Variants in C8orf34 observed in about 807,000 individuals in gnomAD.
The protein encoded by C8orf34 is uncharacterized protein C8orf34.
In C8orf34, 65 loss-of-function variants were observed where a neutral mutation model predicts 68.3. The observed-to-expected ratio is 0.95, with a 90% CI of 0.78 to 1.17. The LOEUF (loss-of-function observed/expected upper bound fraction) is 1.17, where lower values mean the gene tolerates loss of function less well. C8orf34 is among the 50% of genes most tolerant of loss of function. The pLI is 0.00. For synonymous variants in C8orf34, 244 were observed against 241.2 expected, an observed-to-expected ratio of 1.01 and a Z score of -0.11; for missense variants, 664 against 655.4, an observed-to-expected ratio of 1.01 and a Z score of -0.14.
chr8:68,539,803 G>A (rs1293683813), intron 7 of C8orf34, among the ~76,000 whole-genome samples: 1 of 151,684 alleles, frequency 6.6e-6, no homozygotes, highest in East Asian at 1.9e-4. Flanking sequence ...GCAGTGAGCC[G>A]AGATTATGCC....
At chr8:68,623,919 G>A (rs1288210223) in intron 7 of C8orf34, among the ~76,000 whole-genome samples, 1 of 152,078 alleles carries the variant, frequency 6.6e-6, no homozygotes, top group Non-Finnish European at 1.5e-5. Flanking sequence ...GTCCATTGCA[G>A]TACCTAAGAG....
intron 4 of C8orf34, among the ~76,000 whole-genome samples, chr8:68,473,602 A>G (rs1812473352): frequency 6.6e-6 from 1 of 152,160 alleles, no homozygotes; most frequent in Admixed American, 6.5e-5. Context: ...CTTTGCTAGA[A>G]AAGAAAATGA....
chr8:68,704,649 T>A (rs1355273218), intron 8 of C8orf34, among the ~76,000 whole-genome samples: 1 of 152,058 alleles, frequency 6.6e-6, no homozygotes, highest in Non-Finnish European at 1.5e-5. Context: ...AAAGATCACA[T>A]CCACCCACAA....
intron 7 of C8orf34, among the ~76,000 whole-genome samples, chr8:68,553,310 G>A (rs186530599): frequency 2.8e-3 from 429 of 150,986 alleles, no homozygotes; most frequent in African/African-American, 9.3e-3. Context: ...GTGTGAACCC[G>A]GGAGGCGGAG....
intron 12 of C8orf34, among the ~76,000 whole-genome samples, chr8:68,812,135 AG>A (rs976865032): frequency 5.9e-5 from 9 of 152,332 alleles, no homozygotes; most frequent in African/African-American, 2.2e-4. Context: ...TGCTTTTAAT[AG>A]AAACTTCAAC....
At chr8:68,553,777 T>C (rs906969707) in intron 7 of C8orf34, among the ~76,000 whole-genome samples, 1 of 152,106 alleles carries the variant, frequency 6.6e-6, no homozygotes, top group African/African-American at 2.4e-5. Context: ...GTAACTTTTG[T>C]CAATATTTCA....
intron 8 of C8orf34, among the ~76,000 whole-genome samples, chr8:68,689,525 A>G (rs1406195477): frequency 6.6e-6 from 1 of 152,130 alleles, no homozygotes; most frequent in Non-Finnish European, 1.5e-5. Context: ...CCTTTCTGCA[A>G]GAAGCTCCCT....
intron 11 of C8orf34, among the ~76,000 whole-genome samples, chr8:68,777,243 G>C (rs1013878374): frequency 6.6e-6 from 1 of 152,190 alleles, no homozygotes; most frequent in African/African-American, 2.4e-5. Context: ...TCCACAAGAG[G>C]GATAGCTGAT....
chr8:68,509,790 C>T (rs1814184402), intron 5 of C8orf34, among the ~76,000 whole-genome samples: 1 of 152,132 alleles, frequency 6.6e-6, no homozygotes, highest in Non-Finnish European at 1.5e-5. Context: ...TCCTCTTTCC[C>T]TCTTTCATCC....
intron 7 of C8orf34, among the ~76,000 whole-genome samples, chr8:68,624,692 C>T (rs538776037): frequency 3.5e-5 from 4 of 114,128 alleles, no homozygotes; most frequent in South Asian, 4.9e-4. Flanking sequence ...TAGGAAATAG[C>T]GATACAGCAG....
At chr8:68,475,990 C>A (rs549583563) in intron 4 of C8orf34, among the ~76,000 whole-genome samples, 126 of 152,284 alleles carry the variant, frequency 8.3e-4, no homozygotes, top group African/African-American at 3.0e-3. Context: ...TAATAGCAAC[C>A]TGCACTCAGC....
chr8:68,773,622 G>C (rs1159965945), intron 10 of C8orf34, among the ~76,000 whole-genome samples: 1 of 151,954 alleles, frequency 6.6e-6, no homozygotes, highest in Non-Finnish European at 1.5e-5. Flanking sequence ...CTGACCTCAA[G>C]TAATCCACCT....
intron 5 of C8orf34, among the ~76,000 whole-genome samples, chr8:68,515,468 A>T (rs1814471761): frequency 1.3e-5 from 2 of 152,000 alleles, no homozygotes; most frequent in African/African-American, 2.4e-5. Context: ...TGTGTTTCAT[A>T]AACTTTCCAA....
intron 9 of C8orf34, among the ~76,000 whole-genome samples, chr8:68,709,352 C>A (rs1369228): frequency 6.6e-6 from 1 of 152,068 alleles, no homozygotes; most frequent in Non-Finnish European, 1.5e-5. Flanking sequence ...TGGCTACTCC[C>A]TAAACTATGT....
chr8:68,535,543 A>G (rs1160791719), intron 7 of C8orf34: 1 of 894,026 alleles, frequency 1.1e-6, no homozygotes. Context: ...GAACTAGTAG[A>G]AGTTAGTAAT....
chr8:68,794,730 G>A (rs560216271), intron 12 of C8orf34, among the ~76,000 whole-genome samples: 1 of 151,072 alleles, frequency 6.6e-6, no homozygotes, highest in African/African-American at 2.4e-5. Flanking sequence ...CAAGTGATCT[G>A]TCTGCCTCAG....
intron 1 of C8orf34, among the ~76,000 whole-genome samples, chr8:68,366,285 G>C (rs1167525647): frequency 1.8e-5 from 2 of 112,570 alleles, no homozygotes; most frequent in Admixed American, 1.8e-4. Flanking sequence ...ATGCTCATGG[G>C]TAGGAAGAAT....
intron 13 of C8orf34, among the ~76,000 whole-genome samples, 163 bp downstream of exon 13, chr8:68,816,108 G>A (rs978542454): frequency 2.5e-5 from 3 of 121,318 alleles, no homozygotes; most frequent in African/African-American, 9.9e-5. Flanking sequence ...TCCTAAGAGT[G>A]TGTGTGTGTG....
At chr8:68,442,936 T>C (rs1308063161) in intron 2 of C8orf34, among the ~76,000 whole-genome samples, 1 of 152,140 alleles carries the variant, frequency 6.6e-6, no homozygotes. Flanking sequence ...ATGGTGATAA[T>C]GAGTGATAAT....
Sources: allele counts gnomAD v4.1 joint callset (sites outside exome capture counted in the v4.1 genomes callset), GRCh38; gene constraint gnomAD v4.1.1; transcripts MANE v1.5; gene names NCBI Gene and HGNC (gene_info 2026-07-23, HGNC 2026-07-21).